Variants in CELA2B observed in about 807,000 individuals in gnomAD.
CELA2B encodes the protein chymotrypsin-like elastase family member 2B.
Under a neutral mutation model 36.5 loss-of-function variants are expected in CELA2B, and 27 were observed. The ratio of observed to expected loss-of-function variants is 0.74; its 90% CI spans 0.55 to 1.02. The LOEUF is 1.02. Ranked by LOEUF, CELA2B falls within the 50% of genes least tolerant of loss-of-function variation. CELA2B has a pLI of 0.00. For missense variants in CELA2B, 340 were observed against 347.8 expected (o/e 0.98, Z 0.18); for synonymous variants, 143 against 148.5 (o/e 0.96, Z 0.27).
chr1:15,486,187 A>C (rs1708802685), intron 6 of CELA2B, 141 bp downstream of exon 6: 1 of 1,142,384 alleles, frequency 8.8e-7, no homozygotes, highest in South Asian at 1.6e-5. Context: ...GATATATCAG[A>C]ACCTGACCTT....
intron 1 of CELA2B, 45 bp downstream of exon 1, chr1:15,476,210 G>A: frequency 6.2e-7 from 1 of 1,613,492 alleles, no homozygotes; most frequent in Non-Finnish European, 8.5e-7. Flanking sequence ...TCCCCTGGTG[G>A]GGCTGGAAAT....
chr1:15,485,052 A>G (rs1285141128), intron 5 of CELA2B, among the ~76,000 whole-genome samples: 3 of 151,938 alleles, frequency 2.0e-5, no homozygotes, highest in East Asian at 1.9e-4. Context: ...CATGTGCACC[A>G]CGCCCAGCTA....
intron 2 of CELA2B, among the ~76,000 whole-genome samples, chr1:15,479,430 C>T (rs1708714990): frequency 6.6e-6 from 1 of 152,112 alleles, no homozygotes; most frequent in South Asian, 2.1e-4. Context: ...CCTGTAATCC[C>T]AGCTAGTGGG....
At chr1:15,487,036 G>A (rs1201854987) in intron 6 of CELA2B, among the ~76,000 whole-genome samples, 2 of 152,186 alleles carry the variant, frequency 1.3e-5, no homozygotes, top group African/African-American at 4.8e-5. Context: ...GGGATACTAC[G>A]AATATTTACC....
At chr1:15,485,603 A>G (rs1017253297) in intron 5 of CELA2B, among the ~76,000 whole-genome samples, 2 of 152,224 alleles carry the variant, frequency 1.3e-5, no homozygotes, top group African/African-American at 4.8e-5. Context: ...AATGTCAGCC[A>G]TTGACAACAG....
intron 2 of CELA2B, among the ~76,000 whole-genome samples, chr1:15,479,087 C>A (rs1477401562): frequency 6.6e-6 from 1 of 152,170 alleles, no homozygotes; most frequent in Non-Finnish European, 1.5e-5. Flanking sequence ...GACGAAATTT[C>A]CCATCTGTAG....
intron 7 of CELA2B, among the ~76,000 whole-genome samples, chr1:15,487,847 C>G (rs1708824664): frequency 6.6e-6 from 1 of 152,210 alleles, no homozygotes; most frequent in Admixed American, 6.5e-5. Context: ...ATTAGTCCCC[C>G]TCAAGGGTCC....
intron 2 of CELA2B, among the ~76,000 whole-genome samples, chr1:15,477,307 G>A (rs1011860680): frequency 1.2e-4 from 18 of 152,194 alleles, no homozygotes; most frequent in African/African-American, 4.1e-4. Context: ...GTGATATTAA[G>A]ACTAAACTGC....
intron 2 of CELA2B, among the ~76,000 whole-genome samples, chr1:15,479,451 C>G (rs1279047546): frequency 6.6e-6 from 1 of 152,098 alleles, no homozygotes; most frequent in Non-Finnish European, 1.5e-5. Context: ...GAGGCTGAGG[C>G]AGGAGAATGG....
intron 2 of CELA2B, among the ~76,000 whole-genome samples, chr1:15,478,072 G>T (rs984513070): frequency 2.6e-5 from 4 of 152,100 alleles, no homozygotes; most frequent in African/African-American, 9.7e-5. Context: ...GCCAAGGTGG[G>T]TGAATCACTT....
rs780674401 is a variant in CELA2B at position 15,483,376 on chromosome 1, G to T, written c.469G>T (p.Val157Phe). 24 of 1,613,908 alleles carry T rather than the reference G, an allele frequency of 1.5e-5. No individual in the cohort carries two copies. Among genetic ancestry groups the T allele is most frequent in the Non-Finnish European group, 1.9e-5 (23 of 1,179,942 alleles). ...TILPNNYPCY[V>F]TGWGRLQTNG... ...TCTACCCAACAACTACCCCTGCTAC[G>T]TCACGGGCTGGGGAAGGCTGCAGAG... Residue 157 changes from valine (V) to phenylalanine (F), a missense_variant, in exon 5 of 8, where the codon GTC becomes TTC. Val to Phe is a conservative substitution (Grantham distance 50, BLOSUM62 -1). Coordinates refer to ENST00000375910, the MANE Select transcript of CELA2B (RefSeq NM_015849.3).
Position 15,482,319 on chromosome 1 carries a change from G to C in CELA2B, c.282G>C (p.Glu94Asp), listed in dbSNP as rs760064005. Residue 94 changes from glutamate (E) to aspartate (D), a missense_variant, in exon 4 of 8, where the codon GAG becomes GAC. By Grantham distance (45) the Glu-to-Asp change is conservative. Coordinates refer to ENST00000375910, the MANE Select transcript of CELA2B (RefSeq NM_015849.3). ...GCCAGCATAACCTCTACGTTGCAGAGTCCGGCTCGCTGGCCGTCAGTGTCT... is the reference window on the plus strand; with the variant it reads ...GCCAGCATAACCTCTACGTTGCAGACTCCGGCTCGCTGGCCGTCAGTGTCT... Reference protein sequence around the residue: ...MLGQHNLYVAESGSLAVSVSK... With the variant: ...MLGQHNLYVADSGSLAVSVSK... The C allele has an allele frequency of 3.1e-6, 5 of 1,614,134 alleles. No homozygotes were observed. Among genetic ancestry groups the C allele is most frequent in the Non-Finnish European group, 4.2e-6 (5 of 1,180,024 alleles).
chr1:15,476,951 C>G (rs1298325060), intron 2 of CELA2B, among the ~76,000 whole-genome samples: 1 of 152,062 alleles, frequency 6.6e-6, no homozygotes. Context: ...CACTACACTC[C>G]GGCCTGAATA....
At chr1:15,486,488 C>T (rs1039479077) in intron 6 of CELA2B, among the ~76,000 whole-genome samples, 5 of 152,088 alleles carry the variant, frequency 3.3e-5, no homozygotes, top group African/African-American at 9.7e-5. Flanking sequence ...AAAACCTGAC[C>T]TTGTTCTTGT....
At chr1:15,478,565 ATTTTT>A (rs71002905) in intron 2 of CELA2B, among the ~76,000 whole-genome samples, 1 of 125,228 alleles carries the variant, frequency 8.0e-6, no homozygotes. Flanking sequence ...ATTTTAATGC[ATTTTT>A]TTTTTTTTTT....
chr1:15,483,356 C>G lies in CELA2B; in HGVS notation c.449C>G (p.Pro150Arg), dbSNP rs1708766000. 6.2e-7 allele frequency: 1 copy of G among 1,614,168 alleles called. No homozygotes were observed. Among genetic ancestry groups the G allele is most frequent in the Non-Finnish European group, 8.5e-7 (1 of 1,179,998 alleles). ...ACLPPAGTIL[P>R]NNYPCYVTGW... The stretch of plus-strand genomic sequence containing the variant: ...CTCCCTCCTGCCGGCACCATTCTAC[C>G]CAACAACTACCCCTGCTACGTCACG... Residue 150 changes from proline (P) to arginine (R), a missense_variant, in exon 5 of 8, where the codon CCC becomes CGC. Transcript: ENST00000375910.
chr1:15,491,360 G>A lies in CELA2B; in HGVS notation c.*48G>A. Reference sequence around the variant, plus strand: ...TTTCAGACTTGGAAAGGTCACAGAAGGAAAATAATATTATATAAAGTGACA... The same window carrying A: ...TTTCAGACTTGGAAAGGTCACAGAAAGAAAATAATATTATATAAAGTGACA... On this transcript the variant is annotated 3_prime_UTR_variant, in exon 8 of 8. Coordinates refer to ENST00000375910, the MANE Select transcript of CELA2B (RefSeq NM_015849.3). The A allele has an allele frequency of 2.5e-6, 4 of 1,606,540 alleles. No individual in the cohort carries two copies. The highest frequency in any genetic ancestry group is 2.6e-6 in the Non-Finnish European group (3 of 1,173,198).
intron 2 of CELA2B, among the ~76,000 whole-genome samples, chr1:15,478,388 C>A (rs1708698582): frequency 6.6e-6 from 1 of 150,986 alleles, no homozygotes. Flanking sequence ...GGATTACAGG[C>A]ACGCACCACC....
rs1337900576 is a variant in CELA2B, at chr1:15,482,359, C to A, written c.322C>A (p.His108Asn). The change falls in exon 4 of 8, where the codon CAC becomes AAC. Residue 108 changes from histidine (H) to asparagine (N), a missense_variant. Physicochemically the swap from His to Asn is moderately conservative, Grantham distance 68 (BLOSUM62 1). Coordinates refer to ENST00000375910, the MANE Select transcript of CELA2B (RefSeq NM_015849.3). The part of the protein sequence containing the change: ...LAVSVSKIVV[H>N]KDWNSDQVSK... The stretch of plus-strand genomic sequence containing the variant: ...CGTCAGTGTCTCTAAGATTGTGGTG[C>A]ACAAGGACTGGAACTCCGACCAGGT... 6.2e-7 allele frequency: 1 copy of A among 1,614,150 alleles called. No individual in the cohort carries two copies. Among genetic ancestry groups the A allele is most frequent in the Non-Finnish European group, 8.5e-7 (1 of 1,180,024 alleles).
Sources: allele counts gnomAD v4.1 joint callset (sites outside exome capture counted in the v4.1 genomes callset), GRCh38; gene constraint gnomAD v4.1.1; transcripts MANE v1.5; gene names NCBI Gene and HGNC (gene_info 2026-07-23, HGNC 2026-07-21).